The following UTRN variants were observed in gnomAD, a reference collection of about 807,000 sequenced individuals.
UTRN encodes the protein dystrophin-related protein 1.
In UTRN, 283 loss-of-function variants were observed where a neutral mutation model predicts 463.9. The observed-to-expected ratio is 0.61, with a 90% CI of 0.55 to 0.67. The LOEUF (loss-of-function observed/expected upper bound fraction) is 0.67, where lower values mean the gene tolerates loss of function less well. Among genes scored for constraint, UTRN ranks in the 30% least tolerant of loss-of-function variants. The pLI, the probability that UTRN is intolerant of heterozygous loss-of-function variation, is 0.00. For synonymous variants in UTRN, 1,442 were observed against 1,431.5 expected, an observed-to-expected ratio of 1.01 and a Z score of -0.17; for missense variants, 3,922 against 4,084.3, an observed-to-expected ratio of 0.96 and a Z score of 1.08.
intron 2 of UTRN, among the ~76,000 whole-genome samples, chr6:144,375,988 T>C (rs1325267508): frequency 6.6e-6 from 1 of 152,050 alleles, no homozygotes; most frequent in Non-Finnish European, 1.5e-5. Flanking sequence ...CCACTGTCAT[T>C]TTTCTTTTCT....
chr6:144,433,675 C>G (rs146776335), intron 9 of UTRN, among the ~76,000 whole-genome samples: 2 of 148,792 alleles, frequency 1.3e-5, no homozygotes, highest in Non-Finnish European at 3.0e-5. Context: ...GGGTCGCGGC[C>G]GGGCAGAGGC....
intron 65 of UTRN, among the ~76,000 whole-genome samples, chr6:144,808,944 T>C (rs1004067431): frequency 3.9e-5 from 6 of 152,184 alleles, no homozygotes; most frequent in Non-Finnish European, 5.9e-5. Context: ...ATCTTGGCTA[T>C]TGTGAATAAT....
chr6:144,421,801 T>C (rs1261792611), intron 3 of UTRN, 77 bp from the exon 4 acceptor site: 5 of 1,048,596 alleles, frequency 4.8e-6, no homozygotes, highest in Non-Finnish European at 6.6e-6. Context: ...ATGAAGCCAC[T>C]CATTTATTTG....
rs75673030 is a variant in UTRN at position 144,540,891 on chromosome 6, A to G, written c.6519+1448A>G. Among the ~76,000 whole-genome samples, 378 of 152,346 alleles carry G rather than the reference A, an allele frequency of 2.5e-3. 13 individuals carry two copies. In the East Asian group the frequency reaches 0.059, roughly 24 times the overall value. On this transcript the variant is annotated intron_variant, in intron 45 of 74. Coordinates refer to ENST00000367545, the MANE Select transcript of UTRN (RefSeq NM_007124.3). ...AATGTAGCAGAAGTTTGACAGTTGT[A>G]GATGTCAGAGGGCACATAGATATTT...
At chr6:144,405,888 A>C (rs1783352085) in intron 3 of UTRN, among the ~76,000 whole-genome samples, 1 of 152,250 alleles carries the variant, frequency 6.6e-6, no homozygotes. Flanking sequence ...GAGACTTTAC[A>C]ATGGGCAAAA....
intron 60 of UTRN, among the ~76,000 whole-genome samples, chr6:144,776,292 A>G (rs1775314448): frequency 6.6e-6 from 1 of 152,168 alleles, no homozygotes; most frequent in Admixed American, 6.5e-5. Context: ...GTAGTTTATG[A>G]TTGCCTGTAA....
intron 51 of UTRN, among the ~76,000 whole-genome samples, chr6:144,617,436 G>A (rs1189645640): frequency 6.6e-6 from 1 of 152,136 alleles, no homozygotes; most frequent in African/African-American, 2.4e-5. Flanking sequence ...TTGGTATCCA[G>A]GTTTGCGTTT....
At chr6:144,640,662 T>A (rs536842710) in intron 51 of UTRN, among the ~76,000 whole-genome samples, 1 of 152,318 alleles carries the variant, frequency 6.6e-6, no homozygotes, top group Non-Finnish European at 1.5e-5. Context: ...AATTGCTATA[T>A]AAATGCTTGT....
rs1253873867 is a variant in UTRN, at chr6:144,359,486, G to A, written c.80-43637G>A. On this transcript the variant is annotated intron_variant, in intron 2 of 74. Transcript: ENST00000367545. ...AGAAATAGAATTTATGGGATGAGAG[G>A]TTAGTTTTAGGGTTTCTGATACGCC... Among the ~76,000 whole-genome samples the A allele has an allele frequency of 3.3e-5, 5 of 152,178 alleles. No individual in the cohort carries two copies. In the East Asian group the frequency reaches 9.6e-4, roughly 29 times the overall value.
chr6:144,584,105 T>C (rs1802233249), intron 51 of UTRN, among the ~76,000 whole-genome samples: 1 of 152,220 alleles, frequency 6.6e-6, no homozygotes, highest in Non-Finnish European at 1.5e-5. Context: ...AAACATCCCC[T>C]ATATTCTTAA....
At chr6:144,461,474 T>C (rs1277627437) in intron 22 of UTRN, 132 bp downstream of exon 22, 24 of 1,078,724 alleles carry the variant, frequency 2.2e-5, no homozygotes, top group Non-Finnish European at 1.2e-6. Flanking sequence ...AAAATGTGTT[T>C]ATGATTTGAG....
At chr6:144,398,355 A>G (rs1377803643) in intron 2 of UTRN, 4 of 357,068 alleles carry the variant, frequency 1.1e-5, no homozygotes, top group South Asian at 2.8e-5. Flanking sequence ...GTGCCTTTTC[A>G]CTTATTCTCA....
chr6:144,458,787 G>A lies in UTRN; in HGVS notation c.2302G>A (p.Glu768Lys), dbSNP rs1254455891. The A allele has an allele frequency of 6.2e-7, 1 of 1,600,106 alleles. No homozygotes were observed. The highest frequency in any genetic ancestry group is 8.5e-7 in the Non-Finnish European group (1 of 1,175,960). The change falls in exon 20 of 75, where the codon GAA becomes AAA. Residue 768 changes from glutamate (E) to lysine (K), a missense_variant. By Grantham distance (56) the Glu-to-Lys change is moderately conservative. Coordinates refer to ENST00000367545, the MANE Select transcript of UTRN (RefSeq NM_007124.3). ...QMGKEGLPTE[E>K]IKNVLEKVSS... Reference sequence around the variant, plus strand: ...CTGCATAGAAGGCCTTCCTACTGAAGAAATAAAAAATGTTCTGGAGAAGGT... The same window carrying A: ...CTGCATAGAAGGCCTTCCTACTGAAAAAATAAAAAATGTTCTGGAGAAGGT...
chr6:144,420,890 G>T (rs531010799), intron 3 of UTRN, among the ~76,000 whole-genome samples: 1 of 152,174 alleles, frequency 6.6e-6, no homozygotes, highest in Non-Finnish European at 1.5e-5. Flanking sequence ...TTTTTAATGC[G>T]TCTCGTTATC....
chr6:144,485,282 T>G, intron 27 of UTRN, 103 bp from the exon 28 acceptor site: 1 of 1,496,862 alleles, frequency 6.7e-7, no homozygotes, highest in South Asian at 1.3e-5. Flanking sequence ...CTAGGTATAC[T>G]CACATCCAAA....
chr6:144,765,968 C>T (rs760669099), intron 58 of UTRN, among the ~76,000 whole-genome samples: 1 of 151,710 alleles, frequency 6.6e-6, no homozygotes, highest in Non-Finnish European at 1.5e-5. Context: ...CTTTGGATTT[C>T]CTGCCTTTAA....
At position 144,754,684 on chromosome 6, in the gene UTRN, AATTATTTCCTCTGACTTGC is replaced by A. The variant is rs752421329; in HGVS notation, c.8356-33_8356-15del. 1.0e-5 allele frequency: 16 copies of A among 1,599,096 alleles called. No homozygotes were observed. The South Asian group carries it at 1.8e-4, about 18-fold the overall frequency. ...TATTAAAGTTATTGTTTCGGAATCA[AATTATTTCCTCTGACTTGC>A]ATGTGTATGTGTGCAGGTTTCTGTG... On this transcript the variant is annotated splice_polypyrimidine_tract_variant and intron_variant, in intron 56 of 74. Transcript: ENST00000367545.
chr6:144,712,079 A>G (rs1785777328), intron 53 of UTRN, among the ~76,000 whole-genome samples: 1 of 152,130 alleles, frequency 6.6e-6, no homozygotes, highest in Non-Finnish European at 1.5e-5. Context: ...GTTGTGTTAG[A>G]AGGTTGCCTA....
chr6:144,577,063 A>T (rs561439902), intron 50 of UTRN, 36 bp from the exon 51 acceptor site: 39 of 1,594,178 alleles, frequency 2.4e-5, no homozygotes, highest in Admixed American at 6.7e-5. Context: ...CAACACTGTA[A>T]GTAATGGAGC....
Sources: allele counts gnomAD v4.1 joint callset (sites outside exome capture counted in the v4.1 genomes callset), GRCh38; gene constraint gnomAD v4.1.1; transcripts MANE v1.5; gene names NCBI Gene and HGNC (gene_info 2026-07-23, HGNC 2026-07-21).